Variants in TMC5 observed in about 807,000 individuals in gnomAD.
The protein encoded by TMC5 is transmembrane channel like 5.
TMC5 carries 86 observed loss-of-function variants against 110.5 expected under a neutral mutation model. The observed-to-expected ratio is 0.78, with a 90% CI of 0.65 to 0.93. The LOEUF (loss-of-function observed/expected upper bound fraction) is 0.93, where lower values mean the gene tolerates loss of function less well. TMC5 is among the 40% of genes least tolerant of loss of function. TMC5 has a pLI of 0.00. For missense variants in TMC5, 1,144 were observed against 1,222.8 expected (o/e 0.94, Z 0.96); for synonymous variants, 455 against 439.5 (o/e 1.04, Z -0.44).
At position 19,469,759 on chromosome 16, in the gene TMC5, G is replaced by A; in HGVS notation, c.1716G>A (p.Trp572Ter). Reference sequence around the variant, plus strand: ...GGATCACCAAGCTGATCTTTTGCTGGGACTTCACTGTCACTCATGAAAAAG... The same window carrying A: ...GGATCACCAAGCTGATCTTTTGCTGAGACTTCACTGTCACTCATGAAAAAG... ...SGGITKLIFC[W>*]DFTVTHEKAV... is the part of the protein sequence containing the mutation. Residue 572 changes from tryptophan (W) to a stop codon, truncating the protein, a stop_gained, in exon 10 of 22, where the codon TGG (tryptophan) becomes TGA (stop). Coordinates refer to ENST00000542583, the MANE Select transcript of TMC5 (RefSeq NM_001261841.2). LOFTEE classifies it high-confidence loss of function. The A allele has an allele frequency of 6.2e-7, 1 of 1,614,150 alleles. No individual in the cohort carries two copies.
chr16:19,437,421 G>A (rs752185845), intron 2 of TMC5, among the ~76,000 whole-genome samples: 9 of 152,186 alleles, frequency 5.9e-5, no homozygotes, highest in Admixed American at 1.3e-4. Flanking sequence ...CCACAAAAGC[G>A]AGAAATGGAT....
At chr16:19,479,628 G>C in intron 14 of TMC5, 100 bp downstream of exon 14, 1 of 830,338 alleles carries the variant, frequency 1.2e-6, no homozygotes, top group Non-Finnish European at 2.0e-6. Flanking sequence ...TACTCAAAGC[G>C]TGCGTTGTTC....
Position 19,464,639 on chromosome 16 carries a change from C to CT in TMC5, c.1485+624dup, listed in dbSNP as rs551812186. ...TTCATTGTATATTATCTACAACTTGCTTTTTTTTTACTTAGCAATATGTGG... is the reference window on the plus strand; with the variant it reads ...TTCATTGTATATTATCTACAACTTGCTTTTTTTTTTACTTAGCAATATGTGG... On this transcript the variant is annotated intron_variant, in intron 8 of 21. Coordinates refer to ENST00000542583, the MANE Select transcript of TMC5 (RefSeq NM_001261841.2). Among the ~76,000 whole-genome samples, 94 of 151,092 alleles carry CT rather than the reference C, an allele frequency of 6.2e-4. 1 individual carries two copies. Among genetic ancestry groups the CT allele is most frequent in the East Asian group, 2.5e-3 (13 of 5,126 alleles).
rs1438037236 is a variant in TMC5 at position 19,486,926 on chromosome 16, C to T, written c.2364-19C>T. On this transcript the variant is annotated intron_variant, in intron 15 of 21. Coordinates refer to ENST00000542583, the MANE Select transcript of TMC5 (RefSeq NM_001261841.2). Reference sequence around the variant, plus strand: ...TGTGTCTCCGCCAGCCTCTGACACTCACCCTCTCTCCCTCACAGGATTGGC... The same window carrying T: ...TGTGTCTCCGCCAGCCTCTGACACTTACCCTCTCTCCCTCACAGGATTGGC... 2 of 1,611,436 alleles carry T rather than the reference C, an allele frequency of 1.2e-6. No homozygotes were observed.
chr16:19,418,675 T>TAGA (rs1388309731), intron 1 of TMC5, among the ~76,000 whole-genome samples: 1 of 151,872 alleles, frequency 6.6e-6, no homozygotes, highest in South Asian at 2.1e-4. Context: ...ATTCTTCTCA[T>TAGA]CCTTCTCATT....
rs919551541 is a variant in TMC5, at chr16:19,477,534, T to A, written c.2169+16T>A. ...TGGTGAAGAGGTGAGATTCTATGCTTCTCTGCCTTAAGTTTGGTTTCTTAG... is the reference window on the plus strand; with the variant it reads ...TGGTGAAGAGGTGAGATTCTATGCTACTCTGCCTTAAGTTTGGTTTCTTAG... On this transcript the variant is annotated intron_variant, in intron 13 of 21. Coordinates refer to ENST00000542583, the MANE Select transcript of TMC5 (RefSeq NM_001261841.2). 6.3e-7 allele frequency: 1 copy of A among 1,576,226 alleles called. No individual in the cohort carries two copies. The highest frequency in any genetic ancestry group is 1.4e-5 in the African/African-American group (1 of 73,484).
intron 5 of TMC5, 105 bp from the exon 6 acceptor site, chr16:19,460,130 T>C: frequency 1.3e-6 from 1 of 748,320 alleles, no homozygotes; most frequent in Non-Finnish European, 2.1e-6. Context: ...CCCAACTCCA[T>C]AAACTTCTTC....
chr16:19,459,561 G>A (rs924230094), intron 5 of TMC5, among the ~76,000 whole-genome samples: 6 of 151,826 alleles, frequency 4.0e-5, no homozygotes, highest in South Asian at 4.2e-4. Flanking sequence ...GAAATCTCTT[G>A]AGGTCAGAAG....
At chr16:19,473,371 A>AC (rs1317683968) in intron 11 of TMC5, among the ~76,000 whole-genome samples, 2 of 144,978 alleles carry the variant, frequency 1.4e-5, no homozygotes, top group African/African-American at 2.7e-5. Context: ...AAAAAAAAAA[A>AC]AAAAAAAAAA....
At chr16:19,492,109 A>T (rs1218982883) in intron 18 of TMC5, 41 bp from the exon 19 acceptor site, 1 of 1,496,508 alleles carries the variant, frequency 6.7e-7, no homozygotes, top group Admixed American at 1.7e-5. Context: ...AGCCTGCAAA[A>T]CATTTGCAAG....
At chr16:19,458,099 G>A (rs7499259) in intron 5 of TMC5, among the ~76,000 whole-genome samples, 1 of 152,090 alleles carries the variant, frequency 6.6e-6, no homozygotes, top group African/African-American at 2.4e-5. Context: ...TCAGGCAACA[G>A]ATAGGATGTC....
intron 1 of TMC5, among the ~76,000 whole-genome samples, chr16:19,427,730 C>T (rs1171585749): frequency 6.6e-6 from 1 of 151,830 alleles, no homozygotes; most frequent in Non-Finnish European, 1.5e-5. Context: ...TACTAGATGC[C>T]AATGTCACAC....
rs574368815 is a variant in TMC5, at chr16:19,487,222, G to A, written c.2469G>A (p.Pro823=). 23 of 1,613,712 alleles carry A rather than the reference G, an allele frequency of 1.4e-5. No homozygotes were observed. Among genetic ancestry groups the A allele is most frequent in the Admixed American group, 3.3e-5 (2 of 59,930 alleles). The change falls in exon 17 of 22, where the codon CCG becomes CCA. Residue 823 remains proline, a synonymous_variant. Coordinates refer to ENST00000542583, the MANE Select transcript of TMC5 (RefSeq NM_001261841.2). ...GCCTGATGATGAATTTCCAGCCTCC[G>A]AGCAAAGCCTGGCGGGCCTCACAGA... ...NISLMMNFQP[P]SKAWRASQMM...
At chr16:19,494,453 T>C (rs1457631872) in intron 20 of TMC5, 87 bp downstream of exon 20, 2 of 857,936 alleles carry the variant, frequency 2.3e-6, no homozygotes, top group Admixed American at 4.6e-5. Context: ...GACCAAGCTC[T>C]TGGGATCATG....
chr16:19,440,204 T>C lies in TMC5; in HGVS notation c.166T>C (p.Ser56Pro), dbSNP rs758577651. 2 of 1,614,114 alleles carry C rather than the reference T, an allele frequency of 1.2e-6. No homozygotes were observed. The highest frequency in any genetic ancestry group is 1.7e-6 in the Non-Finnish European group (2 of 1,180,014). The change falls in exon 3 of 22, where the codon TCT becomes CCT. Residue 56 changes from serine (S) to proline (P), a missense_variant. Physicochemically the swap from Ser to Pro is moderately conservative, Grantham distance 74. Coordinates refer to ENST00000542583, the MANE Select transcript of TMC5 (RefSeq NM_001261841.2). ...CCCCGGCACCAGGAGCAATCCATACTCTGTAGCCTCCAGAACACGTCCAGA... is the reference window on the plus strand; with the variant it reads ...CCCCGGCACCAGGAGCAATCCATACCCTGTAGCCTCCAGAACACGTCCAGA... ...DYPGTRSNPY[S>P]VASRTRPDYP...
intron 12 of TMC5, chr16:19,477,217 C>T: frequency 2.6e-6 from 1 of 389,548 alleles, no homozygotes; most frequent in South Asian, 2.2e-5. Context: ...CACTGCACTC[C>T]AGCCTGGGTG....
intron 13 of TMC5, among the ~76,000 whole-genome samples, 158 bp from the exon 14 acceptor site, chr16:19,479,265 ACTCAGCTG>A (rs1170557468): frequency 6.6e-6 from 1 of 152,052 alleles, no homozygotes; most frequent in Non-Finnish European, 1.5e-5. Flanking sequence ...CTGGGAACAA[ACTCAGCTG>A]CATTTTTTCA....
intron 17 of TMC5, among the ~76,000 whole-genome samples, chr16:19,487,624 C>T (rs1333211181): frequency 6.6e-6 from 1 of 151,904 alleles, no homozygotes; most frequent in Non-Finnish European, 1.5e-5. Context: ...ATCACTTGAA[C>T]CCGGGAGGTG....
chr16:19,469,629 C>T, intron 9 of TMC5, 52 bp from the exon 10 acceptor site: 20 of 1,608,394 alleles, frequency 1.2e-5, no homozygotes, highest in Non-Finnish European at 1.6e-5. Context: ...GCCCTGCACT[C>T]CCAGTGACGG....
Sources: allele counts gnomAD v4.1 joint callset (sites outside exome capture counted in the v4.1 genomes callset), GRCh38; gene constraint gnomAD v4.1.1; transcripts MANE v1.5; gene names NCBI Gene and HGNC (gene_info 2026-07-23, HGNC 2026-07-21).